Variants in MRPS6 observed in about 807,000 individuals in gnomAD.
MRPS6 encodes mitochondrial ribosomal protein S6, also known as small ribosomal subunit protein bS6m.
In MRPS6, 6 loss-of-function variants were observed where a neutral mutation model predicts 13.1. The ratio of observed to expected loss-of-function variants is 0.46; its 90% CI spans 0.25 to 0.91. MRPS6 has a LOEUF of 0.91. Ranked by LOEUF, MRPS6 falls within the 40% of genes least tolerant of loss-of-function variation. The pLI, the probability that MRPS6 is intolerant of heterozygous loss-of-function variation, is 0.18. For missense variants in MRPS6, 164 were observed against 155.6 expected, an observed-to-expected ratio of 1.05 and a Z score of -0.29; for synonymous variants, 61 against 56.5, an observed-to-expected ratio of 1.08 and a Z score of -0.36.
At chr21:34,079,227 C>T (rs982186558) in intron 1 of MRPS6, among the ~76,000 whole-genome samples, 8 of 152,186 alleles carry the variant, frequency 5.3e-5, no homozygotes, top group Non-Finnish European at 8.8e-5. Context: ...ACTTGAATTT[C>T]ATAAAACTTT....
Position 34,097,421 on chromosome 21 carries a change from G to A in MRPS6, c.45+23676G>A, listed in dbSNP as rs1019815616. ...ACTGGTCTTTGGGGAAAAAAGTTAT[G>A]TAACTGTGCATCTCTCAGGCATTGT... On this transcript the variant is annotated intron_variant, in intron 1 of 2. Transcript: ENST00000399312. 12 of 1,356,590 alleles carry A rather than the reference G, an allele frequency of 8.8e-6. No homozygotes were observed. The African/African-American group carries it at 3.3e-4, about 38-fold the overall frequency. The allele number at this position is 1,356,590 out of a possible 1,614,324, so 84.0% of individuals were successfully genotyped here.
intron 1 of MRPS6, chr21:34,103,134 CA>C: frequency 1.0e-6 from 1 of 1,000,002 alleles, no homozygotes; most frequent in Non-Finnish European, 1.2e-6. Flanking sequence ...GCAGAAATCC[CA>C]AACTGGCAAA....
intron 1 of MRPS6, chr21:34,102,533 C>T: frequency 1.5e-5 from 15 of 999,788 alleles, no homozygotes; most frequent in Non-Finnish European, 1.8e-5. Flanking sequence ...ATATCTGTAT[C>T]ATTGCTAATC....
At chr21:34,102,363 A>T in intron 1 of MRPS6, 1 of 999,834 alleles carries the variant, frequency 1.0e-6, no homozygotes. Context: ...TGTTGTGAGA[A>T]TTGATGTAAT....
intron 1 of MRPS6, among the ~76,000 whole-genome samples, chr21:34,084,212 A>G (rs1989520938): frequency 6.6e-6 from 1 of 152,230 alleles, no homozygotes; most frequent in Non-Finnish European, 1.5e-5. Flanking sequence ...TTCAGAGGAA[A>G]TACCCTAATT....
intron 1 of MRPS6, among the ~76,000 whole-genome samples, chr21:34,083,916 G>A (rs1989514123): frequency 6.6e-6 from 1 of 152,152 alleles, no homozygotes; most frequent in African/African-American, 2.4e-5. Context: ...TTGTCATCTG[G>A]CATACAAAGA....
At chr21:34,119,084 C>A (rs148006793) in intron 1 of MRPS6, among the ~76,000 whole-genome samples, 1 of 151,966 alleles carries the variant, frequency 6.6e-6, no homozygotes, top group Non-Finnish European at 1.5e-5. Flanking sequence ...TTTCTGTGTT[C>A]GATAATTTTT....
chr21:34,099,151 G>A, intron 1 of MRPS6: 4 of 999,204 alleles, frequency 4.0e-6, no homozygotes, highest in Non-Finnish European at 4.8e-6. Flanking sequence ...ATTTATGTAT[G>A]AATAGCATGT....
rs1979742985 is a variant in MRPS6 at position 34,112,463 on chromosome 21, A to G, written c.46-12878A>G. Among the ~76,000 whole-genome samples the G allele has an allele frequency of 2.0e-5, 3 of 152,346 alleles. No homozygotes were observed. The South Asian group carries it at 6.2e-4, about 32-fold the overall frequency. ...TTGAGATAAATTTCATGTATCTTAC[A>G]ATTCACCCATTTGAAGTGTACAATC... On this transcript the variant is annotated intron_variant, in intron 1 of 2. Transcript: ENST00000399312.
chr21:34,092,293 GGTTTT>G (rs2148658069), intron 1 of MRPS6, among the ~76,000 whole-genome samples: 1 of 152,088 alleles, frequency 6.6e-6, no homozygotes, highest in Non-Finnish European at 1.5e-5. Context: ...ACCTGTTTTT[GGTTTT>G]GTTTTTCCTT....
At chr21:34,124,040 CT>C (rs1268560231) in intron 1 of MRPS6, 1 of 152,332 alleles carries the variant, frequency 6.6e-6, no homozygotes, top group African/African-American at 2.4e-5. Flanking sequence ...TCCTCTCCCC[CT>C]CCACCCTTTC....
At chr21:34,113,192 T>C (rs914335973) in intron 1 of MRPS6, among the ~76,000 whole-genome samples, 1 of 152,102 alleles carries the variant, frequency 6.6e-6, no homozygotes, top group Non-Finnish European at 1.5e-5. Flanking sequence ...TCTCAAAATA[T>C]TAAAAATAGG....
chr21:34,137,907 T>G (rs146715453), intron 2 of MRPS6, among the ~76,000 whole-genome samples: 47 of 152,332 alleles, frequency 3.1e-4, no homozygotes, highest in African/African-American at 1.1e-3. Flanking sequence ...ATTACATTTT[T>G]TTTCAAATGT....
chr21:34,129,366 A>G (rs1389535839), intron 2 of MRPS6, among the ~76,000 whole-genome samples: 1 of 152,156 alleles, frequency 6.6e-6, no homozygotes, highest in Non-Finnish European at 1.5e-5. Flanking sequence ...TGCTTTGTAA[A>G]AGGATGCCTC....
In MRPS6 at chr21:34,073,670, C is replaced by T. The variant is rs762687231; in HGVS notation, c.-31C>T. ...CCTTCGCGTCCCGGGAACCGGCTGG[C>T]TTCCGAGCCGCACTCGCCGATCCTC... On this transcript the variant is annotated 5_prime_UTR_variant, in exon 1 of 3. Coordinates refer to ENST00000399312, the MANE Select transcript of MRPS6 (RefSeq NM_032476.4). 2.6e-6 allele frequency: 4 copies of T among 1,512,616 alleles called. No individual in the cohort carries two copies. The highest frequency in any genetic ancestry group is 1.2e-5 in the South Asian group (1 of 86,162). The allele number at this position is 1,512,616 out of a possible 1,614,324, so 93.7% of individuals were successfully genotyped here. A position where few individuals can be genotyped will look rare whatever the true frequency, so the allele number is the denominator to read the frequency against.
intron 2 of MRPS6, 100 bp from the exon 3 acceptor site, chr21:34,142,308 T>C: frequency 7.7e-7 from 1 of 1,305,300 alleles, no homozygotes; most frequent in Non-Finnish European, 1.0e-6. Flanking sequence ...TTGTGTGTAG[T>C]TGATGTCTGT....
intron 1 of MRPS6, chr21:34,104,730 G>T: frequency 1.0e-6 from 1 of 999,310 alleles, no homozygotes; most frequent in Non-Finnish European, 1.2e-6. Flanking sequence ...AGAAGTGCAG[G>T]AAAGAGAAGT....
chr21:34,081,401 A>G (rs1032508861), intron 1 of MRPS6, among the ~76,000 whole-genome samples: 1 of 152,216 alleles, frequency 6.6e-6, no homozygotes. Context: ...ACGTATATAT[A>G]GTTTTATGAC....
intron 1 of MRPS6, among the ~76,000 whole-genome samples, chr21:34,120,823 A>G (rs1178825766): frequency 1.3e-5 from 2 of 152,222 alleles, no homozygotes. Flanking sequence ...CGTGAAGTAA[A>G]TGGGAAAACA....
Sources: gnomAD v4.1 joint callset for allele counts (sites outside exome capture counted in the v4.1 genomes callset) on GRCh38, gnomAD v4.1.1 for gene constraint, MANE v1.5 for transcripts, NCBI Gene and HGNC (gene_info 2026-07-23, HGNC 2026-07-21) for gene names.